Variants in HS6ST3 observed in about 807,000 individuals in gnomAD.
HS6ST3 encodes heparan sulfate 6-O-sulfotransferase 3, also known as heparan-sulfate 6-O-sulfotransferase 3.
In HS6ST3, 12 loss-of-function variants were observed where a neutral mutation model predicts 36.7. That is an observed-to-expected ratio of 0.33 (90% CI 0.21 to 0.53). The LOEUF (loss-of-function observed/expected upper bound fraction) is 0.53. HS6ST3 is among the 20% of genes least tolerant of loss of function. The pLI is 0.95. For synonymous variants in HS6ST3, 240 were observed against 257.5 expected, an observed-to-expected ratio of 0.93 and a Z score of 0.65; for missense variants, 584 against 640.9, an observed-to-expected ratio of 0.91 and a Z score of 0.96.
intron 1 of HS6ST3, among the ~76,000 whole-genome samples, chr13:96,575,253 T>A (rs1191133625): frequency 6.6e-6 from 1 of 152,124 alleles, no homozygotes; most frequent in Admixed American, 6.5e-5. Flanking sequence ...TGCTGAAGAA[T>A]GGAATGAAGA....
chr13:96,792,687 C>A (rs1045356076), intron 1 of HS6ST3, among the ~76,000 whole-genome samples: 1 of 151,946 alleles, frequency 6.6e-6, no homozygotes, highest in South Asian at 2.1e-4. Context: ...GACTATTGAC[C>A]TTGAGGATAA....
At chr13:96,496,338 A>G (rs2055975513) in intron 1 of HS6ST3, among the ~76,000 whole-genome samples, 1 of 152,182 alleles carries the variant, frequency 6.6e-6, no homozygotes, top group Non-Finnish European at 1.5e-5. Flanking sequence ...GAAGGCCACC[A>G]TCAATGCCTT....
chr13:96,548,833 C>T (rs148123462), intron 1 of HS6ST3, among the ~76,000 whole-genome samples: 6 of 152,260 alleles, frequency 3.9e-5, no homozygotes, highest in East Asian at 1.9e-4. Flanking sequence ...AGCTCACCCA[C>T]GTGAGAGAGG....
intron 1 of HS6ST3, among the ~76,000 whole-genome samples, chr13:96,346,572 CAA>C (rs144388304): frequency 7.5e-6 from 1 of 132,804 alleles, no homozygotes; most frequent in African/African-American, 2.9e-5. Flanking sequence ...GACTCCGTCT[CAA>C]AAAAAAAATA....
intron 1 of HS6ST3, among the ~76,000 whole-genome samples, chr13:96,655,618 A>T (rs1957776197): frequency 6.6e-6 from 1 of 152,118 alleles, no homozygotes; most frequent in Admixed American, 6.6e-5. Flanking sequence ...CTAGGAAAAA[A>T]AATTCTGATT....
At chr13:96,094,018 C>T (rs912687050) in intron 1 of HS6ST3, among the ~76,000 whole-genome samples, 2 of 152,096 alleles carry the variant, frequency 1.3e-5, no homozygotes, top group Non-Finnish European at 2.9e-5. Context: ...TTTGGTCCCC[C>T]CAAAGCGCCT....
chr13:96,301,572 A>T (rs2054881954), intron 1 of HS6ST3, among the ~76,000 whole-genome samples: 1 of 152,068 alleles, frequency 6.6e-6, no homozygotes, highest in African/African-American at 2.4e-5. Context: ...TGTCTTTCAG[A>T]TGAAATCTGA....
intron 1 of HS6ST3, among the ~76,000 whole-genome samples, chr13:96,452,310 C>T (rs1192872653): frequency 6.6e-6 from 1 of 152,140 alleles, no homozygotes; most frequent in Non-Finnish European, 1.5e-5. Flanking sequence ...ACAAATGACA[C>T]CACTGAGCAG....
chr13:96,507,377 G>A (rs1165685238), intron 1 of HS6ST3, among the ~76,000 whole-genome samples: 1 of 152,082 alleles, frequency 6.6e-6, no homozygotes, highest in Non-Finnish European at 1.5e-5. Context: ...TTTCAGTAAT[G>A]AACAATGGAG....
At chr13:96,646,846 T>G (rs1327675463) in intron 1 of HS6ST3, among the ~76,000 whole-genome samples, 1 of 152,072 alleles carries the variant, frequency 6.6e-6, no homozygotes, top group East Asian at 1.9e-4. Flanking sequence ...GGGGAAAAAT[T>G]TAATAACTGA....
chr13:96,161,503 C>G (rs1426469046), intron 1 of HS6ST3, among the ~76,000 whole-genome samples: 1 of 152,130 alleles, frequency 6.6e-6, no homozygotes, highest in Middle Eastern at 3.2e-3. Flanking sequence ...GTATTCTCCA[C>G]TAAGATTCCT....
intron 1 of HS6ST3, among the ~76,000 whole-genome samples, chr13:96,637,683 T>A (rs779691776): frequency 5.3e-5 from 8 of 152,094 alleles, no homozygotes; most frequent in Non-Finnish European, 8.8e-5. Context: ...ACCAGGAATT[T>A]ATTAGATGCT....
At position 96,149,916 on chromosome 13, in the gene HS6ST3, G is replaced by A. The variant is rs531261214; in HGVS notation, c.707+58347G>A. Among the ~76,000 whole-genome samples the A allele has an allele frequency of 2.0e-5, 3 of 152,282 alleles. No homozygotes were observed. The South Asian group carries it at 6.2e-4, about 32-fold the overall frequency. ...ATAAAATGTTATCTGAAGACAACTA[G>A]CTTTACTAGCAGTGAAATTGCTAGT... On this transcript the variant is annotated intron_variant, in intron 1 of 1. Coordinates refer to ENST00000376705, the MANE Select transcript of HS6ST3 (RefSeq NM_153456.4).
At chr13:96,319,485 T>A (rs560334459) in intron 1 of HS6ST3, among the ~76,000 whole-genome samples, 2 of 152,340 alleles carry the variant, frequency 1.3e-5, no homozygotes, top group South Asian at 2.1e-4. Flanking sequence ...GCATATTTTT[T>A]AAAATTTCTC....
At position 96,833,316 on chromosome 13, in the gene HS6ST3, G is replaced by A. The variant is rs1362898685; in HGVS notation, c.*118G>A. The A allele has an allele frequency of 4.2e-6, 3 of 706,060 alleles. No homozygotes were observed. The highest frequency in any genetic ancestry group is 3.6e-5 in the African/African-American group (2 of 55,796). The allele number at this position is 706,060 out of a possible 1,614,324, so 43.7% of individuals were successfully genotyped here. A position where few individuals can be genotyped will look rare whatever the true frequency, so the allele number is the denominator to read the frequency against. On this transcript the variant is annotated 3_prime_UTR_variant, in exon 2 of 2. Transcript: ENST00000376705. The stretch of plus-strand genomic sequence containing the variant: ...ACATCTGGCTGTGTGTGCTTGATTT[G>A]GACATCTTCTTCCTTCTTTGTCTTC...
intron 1 of HS6ST3, among the ~76,000 whole-genome samples, chr13:96,136,682 CATATATATATAT>C (rs56247662): frequency 0.016 from 2,136 of 130,498 alleles, 35 homozygotes; most frequent in Middle Eastern, 0.037. Flanking sequence ...TGTTATGAAA[CATATATATATAT>C]ATATATATAT....
At chr13:96,400,194 T>C (rs1462404915) in intron 1 of HS6ST3, among the ~76,000 whole-genome samples, 4 of 119,224 alleles carry the variant, frequency 3.4e-5, no homozygotes, top group African/African-American at 9.6e-5. Context: ...CAGACACATA[T>C]ATGCAGACAC....
intron 1 of HS6ST3, among the ~76,000 whole-genome samples, chr13:96,594,261 G>A (rs761618197): frequency 4.0e-5 from 6 of 151,502 alleles, no homozygotes; most frequent in South Asian, 2.1e-4. Context: ...ATGAGCCACC[G>A]CACCTGGCCA....
At chr13:96,292,684 A>G (rs2054836170) in intron 1 of HS6ST3, among the ~76,000 whole-genome samples, 1 of 152,098 alleles carries the variant, frequency 6.6e-6, no homozygotes, top group Non-Finnish European at 1.5e-5. Context: ...ACTGACAGAT[A>G]AGAACTCTGT....
Sources: gnomAD v4.1 joint callset for allele counts (sites outside exome capture counted in the v4.1 genomes callset) on GRCh38, gnomAD v4.1.1 for gene constraint, MANE v1.5 for transcripts, NCBI Gene and HGNC (gene_info 2026-07-23, HGNC 2026-07-21) for gene names.